ZNF606: variants seen among roughly 807,000 people sequenced by gnomAD.
ZNF606 encodes the protein zinc finger protein 328.
In ZNF606, 37 loss-of-function variants were observed where a neutral mutation model predicts 74.9. The ratio of observed to expected loss-of-function variants is 0.49; its 90% CI spans 0.38 to 0.65. ZNF606 has a LOEUF of 0.65. Ranked by LOEUF, ZNF606 falls within the 30% of genes least tolerant of loss-of-function variation. ZNF606 has a pLI of 0.00. For synonymous variants in ZNF606, 328 were observed against 312.4 expected (o/e 1.05, Z -0.53); for missense variants, 852 against 952.9 (o/e 0.89, Z 1.39).
At chr19:57,989,857 C>A (rs1207549421) in intron 4 of ZNF606, among the ~76,000 whole-genome samples, 1 of 150,822 alleles carries the variant, frequency 6.6e-6, no homozygotes, top group Admixed American at 6.6e-5. Flanking sequence ...TGAGACCATC[C>A]TGGCCAACAT....
chr19:58,002,359 G>A (rs1022169513), intron 1 of ZNF606, 37 bp downstream of exon 1: 3 of 456,700 alleles, frequency 6.6e-6, no homozygotes, highest in Non-Finnish European at 1.3e-5. Context: ...CAAGACCGAC[G>A]CGGCCGCGAC....
At chr19:57,992,625 G>A (rs2123318145) in intron 4 of ZNF606, among the ~76,000 whole-genome samples, 1 of 152,300 alleles carries the variant, frequency 6.6e-6, no homozygotes, top group South Asian at 2.1e-4. Context: ...ATATGAACTG[G>A]ATATCAGGTG....
Position 57,979,444 on chromosome 19 carries a change from G to A in ZNF606, c.1236C>T (p.Ser412=), listed in dbSNP as rs775075173. 5.0e-6 allele frequency: 8 copies of A among 1,613,964 alleles called. No homozygotes were observed. The South Asian group carries it at 6.6e-5, about 13-fold the overall frequency. The change falls in exon 7 of 7, where the codon AGC becomes AGT. Residue 412 remains serine, a synonymous_variant. Transcript: ENST00000551380. ...TTTTCTTATGTTGAATAAGGTAAGA[G>A]CTCCAGATGAAAGACGTCCCACATT... ...YNECGTSFIW[S]SYLIQHKKTH... is the part of the protein sequence containing the mutation.
chr19:57,993,725 C>T (rs1475013265), intron 4 of ZNF606, among the ~76,000 whole-genome samples: 3 of 152,232 alleles, frequency 2.0e-5, no homozygotes, highest in Middle Eastern at 3.2e-3. Context: ...TGAGTGGAGA[C>T]CTCTTCAGTC....
At chr19:58,001,050 A>T in intron 2 of ZNF606, 1 of 562,572 alleles carries the variant, frequency 1.8e-6, no homozygotes, top group Non-Finnish European at 3.1e-6. Flanking sequence ...AACCCCACAA[A>T]CCACCAGAAA....
Position 57,991,212 on chromosome 19 carries a change from C to G in ZNF606, c.178-2491G>C, listed in dbSNP as rs75993650. Among the ~76,000 whole-genome samples, 461 of 152,224 alleles carry G rather than the reference C, an allele frequency of 3.0e-3. 2 individuals carry two copies. Among genetic ancestry groups the G allele is most frequent in the African/African-American group, 0.011 (452 of 41,534 alleles). The stretch of plus-strand genomic sequence containing the variant: ...TTTTTCTTTATATTTATCATTTTTG[C>G]TGATCTATATTGAAGGATCTTGGAG... On this transcript the variant is annotated intron_variant, in intron 4 of 6. Coordinates refer to ENST00000551380, the MANE Select transcript of ZNF606 (RefSeq NM_001348022.3).
At chr19:57,993,070 C>A (rs56987988) in intron 4 of ZNF606, among the ~76,000 whole-genome samples, 1 of 152,056 alleles carries the variant, frequency 6.6e-6, no homozygotes, top group South Asian at 2.1e-4. Flanking sequence ...GGAGATATGA[C>A]GCAAGCAGGG....
At position 57,979,412 on chromosome 19, in the gene ZNF606, G is replaced by A. The variant is rs777925685; in HGVS notation, c.1268C>T (p.Thr423Ile). ...SYLIQHKKTH[T>I]GEKPYECDKC... ...ATCACATTCATAGGGTTTTTCTCCA[G>A]TATGAGTTTTCTTATGTTGAATAAG... Residue 423 changes from threonine to isoleucine, a missense_variant, in exon 7 of 7, where the codon ACT (threonine) becomes ATT (isoleucine). Coordinates refer to ENST00000551380, the MANE Select transcript of ZNF606 (RefSeq NM_001348022.3). 6.2e-7 allele frequency: 1 copy of A among 1,613,800 alleles called. No individual in the cohort carries two copies. Among genetic ancestry groups the A allele is most frequent in the South Asian group, 1.1e-5 (1 of 90,968 alleles).
At chr19:57,990,523 G>A in intron 4 of ZNF606, among the ~76,000 whole-genome samples, 1 of 127,588 alleles carries the variant, frequency 7.8e-6, no homozygotes, top group Admixed American at 9.0e-5. Context: ...CTGGGCAGTA[G>A]AGCAAAACCC....
At chr19:57,998,217 T>C (rs1198077039) in intron 4 of ZNF606, 1 of 152,068 alleles carries the variant, frequency 6.6e-6, no homozygotes, top group Non-Finnish European at 1.5e-5. Context: ...ATAACTTTAA[T>C]GAATTAGGAA....
Position 57,978,197 on chromosome 19 carries a change from A to C in ZNF606, c.*104T>G, listed in dbSNP as rs2073017944. The C allele has an allele frequency of 8.9e-7, 1 of 1,120,730 alleles. No homozygotes were observed. The highest frequency in any genetic ancestry group is 1.2e-6 in the Non-Finnish European group (1 of 808,698). 69.4% of individuals were successfully genotyped at this position (1,120,730 alleles called of 1,614,324 possible). On this transcript the variant is annotated 3_prime_UTR_variant, in exon 7 of 7. Transcript: ENST00000551380. This position sits in a 1 kb window ranked among gnomAD's most constrained non-coding sequence, Gnocchi z 4.4. ...ATTTTCTAGTAAATAATGTGGGAGAAGTCTTACTGAACTCTTAATGAAAAA... is the reference window on the plus strand; with the variant it reads ...ATTTTCTAGTAAATAATGTGGGAGACGTCTTACTGAACTCTTAATGAAAAA...
rs531618487 is a variant in ZNF606, at chr19:58,001,357, C to A, written c.-38G>T. 3 of 1,614,000 alleles carry A rather than the reference C, an allele frequency of 1.9e-6. No homozygotes were observed. The highest frequency in any genetic ancestry group is 2.5e-6 in the Non-Finnish European group (3 of 1,179,918). ...TTGACCAGGCACCTGCCCAGGAACA[C>A]AGCAAATCCCAACCTAGTGACAAAA... On this transcript the variant is annotated 5_prime_UTR_variant, in exon 2 of 7. Transcript: ENST00000551380.
chr19:57,988,974 G>A (rs367960491), intron 4 of ZNF606, among the ~76,000 whole-genome samples: 43 of 152,298 alleles, frequency 2.8e-4, no homozygotes, highest in African/African-American at 9.1e-4. Context: ...TCTCTTCGAA[G>A]ACTCTTGCCA....
intron 6 of ZNF606, among the ~76,000 whole-genome samples, chr19:57,981,628 T>C (rs1216902132): frequency 6.6e-6 from 1 of 152,120 alleles, no homozygotes; most frequent in Non-Finnish European, 1.5e-5. Context: ...TTAGAGAGTA[T>C]CACCAAGCGA....
At chr19:57,988,340 G>A in intron 5 of ZNF606, 38 bp from the exon 6 acceptor site, 1 of 1,585,070 alleles carries the variant, frequency 6.3e-7, no homozygotes, top group Non-Finnish European at 8.6e-7. Flanking sequence ...CATGTCATGA[G>A]GCTTCAGGAC....
chr19:57,989,727 A>C (rs2073222718), intron 4 of ZNF606, among the ~76,000 whole-genome samples: 1 of 151,380 alleles, frequency 6.6e-6, no homozygotes, highest in African/African-American at 2.4e-5. Flanking sequence ...GATTACAGGC[A>C]TGAGCCACTG....
Position 58,002,579 on chromosome 19 carries a change from C to A in ZNF606, c.-235G>T. Reference sequence around the variant, plus strand: ...TGCAGCAGAGTTCACCCAGGCCCGTCCGACCAGAAAACGAAGAACGCCCGG... The same window carrying A: ...TGCAGCAGAGTTCACCCAGGCCCGTACGACCAGAAAACGAAGAACGCCCGG... On this transcript the variant is annotated 5_prime_UTR_variant, in exon 1 of 7. Coordinates refer to ENST00000551380, the MANE Select transcript of ZNF606 (RefSeq NM_001348022.3). 2.3e-6 allele frequency: 1 copy of A among 437,674 alleles called. No individual in the cohort carries two copies. The allele number at this position is 437,674 out of a possible 1,614,324, so 27.1% of individuals were successfully genotyped here.
At position 58,002,760 on chromosome 19, in the gene ZNF606, A is replaced by G. The variant is rs1393032404; in HGVS notation, c.-416T>C. The G allele has an allele frequency of 4.4e-6, 2 of 454,324 alleles. No individual in the cohort carries two copies. Among genetic ancestry groups the G allele is most frequent in the Admixed American group, 2.4e-5 (1 of 42,462 alleles). 28.1% of individuals were successfully genotyped at this position (454,324 alleles called of 1,614,324 possible). On this transcript the variant is annotated 5_prime_UTR_variant, in exon 1 of 7. Coordinates refer to ENST00000551380, the MANE Select transcript of ZNF606 (RefSeq NM_001348022.3). ...AGCCCCGCAGCTACGGCGGCCCCAC[A>G]GCCTGAGCAAAGGCCTCACCTCAGC...
At chr19:57,986,306 G>C (rs761322547) in intron 6 of ZNF606, among the ~76,000 whole-genome samples, 9 of 152,140 alleles carry the variant, frequency 5.9e-5, no homozygotes, top group Non-Finnish European at 1.3e-4. Flanking sequence ...AGGCAACACA[G>C]TGAGGCGTGG....
Sources: gnomAD v4.1 joint callset for allele counts (sites outside exome capture counted in the v4.1 genomes callset) on GRCh38, gnomAD v4.1.1 for gene constraint, Gnocchi (gnomAD v3.1) non-coding constraint, MANE v1.5 for transcripts, NCBI Gene and HGNC (gene_info 2026-07-23, HGNC 2026-07-21) for gene names.